ZNF516: variants seen among roughly 807,000 people sequenced by gnomAD.
ZNF516 encodes the protein zinc finger protein 516.
In ZNF516, 19 loss-of-function variants were observed where a neutral mutation model predicts 79.7. The observed-to-expected ratio is 0.24, with a 90% CI of 0.17 to 0.35. The LOEUF (loss-of-function observed/expected upper bound fraction) is 0.35. Ranked by LOEUF, ZNF516 falls within the 10% of genes least tolerant of loss-of-function variation. ZNF516 has a pLI of 1.00. For synonymous variants in ZNF516, 877 were observed against 739.5 expected (o/e 1.19, Z -3.02); for missense variants, 1,678 against 1,679.5 (o/e 1.00, Z 0.02).
At chr18:76,403,395 T>C (rs1305295004) in intron 3 of ZNF516, among the ~76,000 whole-genome samples, 1 of 152,148 alleles carries the variant, frequency 6.6e-6, no homozygotes, top group Non-Finnish European at 1.5e-5. Context: ...GGTCATGCAT[T>C]CATGGACATA....
intron 2 of ZNF516, among the ~76,000 whole-genome samples, chr18:76,453,081 A>G (rs996865504): frequency 2.0e-5 from 3 of 152,216 alleles, no homozygotes; most frequent in Non-Finnish European, 4.4e-5. Flanking sequence ...CTTAATACTA[A>G]GTAGTTGCTT....
intron 5 of ZNF516, among the ~76,000 whole-genome samples, chr18:76,370,831 A>G (rs2074691746): frequency 6.6e-6 from 1 of 152,194 alleles, no homozygotes; most frequent in South Asian, 2.1e-4. Context: ...CACTGACAAC[A>G]TTAATTATCG....
At chr18:76,495,679 C>A (rs1362789398), upstream of ZNF516, 3 of 1,185,434 alleles carry the variant, frequency 2.5e-6, no homozygotes, top group East Asian at 1.8e-4. Flanking sequence ...CGCGCGCACA[C>A]GCGCATCCAT....
upstream of ZNF516, chr18:76,495,766 A>G (rs1339779254): frequency 2.6e-6 from 3 of 1,150,550 alleles, no homozygotes; most frequent in East Asian, 1.8e-4. Flanking sequence ...TGAAATGGGG[A>G]CACCCCTTCG....
chr18:76,492,693 A>C (rs980685959), intron 1 of ZNF516: 1 of 982,802 alleles, frequency 1.0e-6, no homozygotes, highest in Admixed American at 6.1e-5. Flanking sequence ...GAGAAACCGC[A>C]CGTTTCGAGT....
rs561768065 is a variant in ZNF516 at position 76,481,083 on chromosome 18, A to G, written c.-272+14061T>C. ...TCTGAGCTGAGGAGGGTGTGGCTCA[A>G]GCCCCCTCTGGGCTTCATGGGAACT... On this transcript the variant is annotated intron_variant, in intron 1 of 6. Coordinates refer to ENST00000443185, the MANE Select transcript of ZNF516 (RefSeq NM_014643.4). Among the ~76,000 whole-genome samples the G allele has an allele frequency of 2.2e-3, 328 of 152,274 alleles. 1 individual carries two copies. Among genetic ancestry groups the G allele is most frequent in the Non-Finnish European group, 3.8e-3 (257 of 68,012 alleles).
intron 3 of ZNF516, among the ~76,000 whole-genome samples, chr18:76,383,066 G>C (rs1480673714): frequency 6.7e-6 from 1 of 149,362 alleles, no homozygotes; most frequent in Non-Finnish European, 1.5e-5. Context: ...AAAAGCGCAT[G>C]GTCTAGCCCA....
intron 2 of ZNF516, among the ~76,000 whole-genome samples, chr18:76,447,598 GCAA>G (rs1376814186): frequency 1.3e-5 from 2 of 152,212 alleles, no homozygotes; most frequent in African/African-American, 4.8e-5. Flanking sequence ...GAAAGGTTCT[GCAA>G]CAACACAGAT....
intron 2 of ZNF516, among the ~76,000 whole-genome samples, chr18:76,458,329 T>C (rs1912858975): frequency 1.3e-5 from 2 of 152,288 alleles, no homozygotes; most frequent in South Asian, 4.1e-4. Flanking sequence ...TGCATGGAGC[T>C]CCAATTCCTG....
At chr18:76,434,678 G>A (rs923190849) in intron 3 of ZNF516, among the ~76,000 whole-genome samples, 4 of 152,226 alleles carry the variant, frequency 2.6e-5, no homozygotes, top group Non-Finnish European at 5.9e-5. Flanking sequence ...CAGAATCTGA[G>A]CCGTCCTGGG....
At chr18:76,480,545 C>T (rs562701105) in intron 1 of ZNF516, among the ~76,000 whole-genome samples, 25 of 111,308 alleles carry the variant, frequency 2.2e-4, no homozygotes, top group South Asian at 8.9e-4. Flanking sequence ...TTTTTTGAGA[C>T]GGAGTCTTGC....
chr18:76,464,568 G>A (rs1913333989), intron 1 of ZNF516, among the ~76,000 whole-genome samples: 1 of 152,224 alleles, frequency 6.6e-6, no homozygotes, highest in Non-Finnish European at 1.5e-5. Context: ...GACTTGCAGG[G>A]CCTCCCTGGC....
intron 2 of ZNF516, among the ~76,000 whole-genome samples, chr18:76,452,976 A>G (rs376494550): frequency 1.3e-5 from 2 of 152,344 alleles, no homozygotes; most frequent in South Asian, 4.1e-4. Context: ...GGCTATTTTT[A>G]TATCAGAAGG....
intron 1 of ZNF516, among the ~76,000 whole-genome samples, chr18:76,466,752 G>A (rs1234346085): frequency 3.3e-5 from 5 of 152,232 alleles, no homozygotes; most frequent in African/African-American, 1.2e-4. Flanking sequence ...AGTAGAGAAG[G>A]GACCCTGGAC....
At chr18:76,450,325 C>T (rs771284229) in intron 2 of ZNF516, among the ~76,000 whole-genome samples, 74 of 152,078 alleles carry the variant, frequency 4.9e-4, no homozygotes, top group Non-Finnish European at 7.2e-4. Flanking sequence ...AGGCCTCTTC[C>T]CCTATCTGCC....
At chr18:76,445,271 C>A (rs1481527122) in intron 2 of ZNF516, among the ~76,000 whole-genome samples, 5 of 120,422 alleles carry the variant, frequency 4.2e-5, no homozygotes, top group East Asian at 4.9e-4. Flanking sequence ...AAAAAAAAAA[C>A]AACAACAACA....
At position 76,440,435 on chromosome 18, in the gene ZNF516, T is replaced by C. The variant is rs1011640511; in HGVS notation, c.1810+810A>G. ...AGAGAAGGGAAAAACATCTTTGGCT[T>C]TGTGGAGAAACATGCAAGTTCTCTA... is the stretch of plus-strand genomic sequence containing the variant. On this transcript the variant is annotated intron_variant, in intron 3 of 6. Coordinates refer to ENST00000443185, the MANE Select transcript of ZNF516 (RefSeq NM_014643.4). Among the ~76,000 whole-genome samples the C allele has an allele frequency of 4.6e-5, 7 of 152,352 alleles. No individual in the cohort carries two copies. The South Asian group carries it at 1.2e-3, about 27-fold the overall frequency.
Position 76,457,312 on chromosome 18 carries a change from T to C in ZNF516, c.-158+5716A>G, listed in dbSNP as rs139479621. ...CCACTTTTGATAAGCAGAGCCATAT[T>C]TGTTTTCTTTGAGAAGGGCAGTTAT... On this transcript the variant is annotated intron_variant, in intron 2 of 6. Transcript: ENST00000443185. 3.4e-3 allele frequency among the ~76,000 whole-genome samples: 511 copies of C among 152,368 alleles called. 3 individuals are homozygous for C. The highest frequency in any genetic ancestry group is 0.012 in the African/African-American group (482 of 41,582).
chr18:76,365,442 C>A (rs1328405813), intron 6 of ZNF516, among the ~76,000 whole-genome samples: 1 of 152,188 alleles, frequency 6.6e-6, no homozygotes, highest in Non-Finnish European at 1.5e-5. Context: ...CTCTGCAACA[C>A]TAAAGAAACT....
Sources: gnomAD v4.1 joint callset for allele counts (sites outside exome capture counted in the v4.1 genomes callset) on GRCh38, gnomAD v4.1.1 for gene constraint, MANE v1.5 for transcripts, NCBI Gene and HGNC (gene_info 2026-07-23, HGNC 2026-07-21) for gene names.